Variants in FER observed in about 807,000 individuals in gnomAD.
The protein encoded by FER is tyrosine-protein kinase Fer.
Under a neutral mutation model 111.0 loss-of-function variants are expected in FER, and 63 were observed. The observed-to-expected ratio is 0.57, with a 90% CI of 0.46 to 0.70. FER has a LOEUF of 0.70. Ranked by LOEUF, FER falls within the 30% of genes least tolerant of loss-of-function variation. The pLI is 0.00. For synonymous variants in FER, 327 were observed against 313.9 expected, an observed-to-expected ratio of 1.04 and a Z score of -0.44; for missense variants, 914 against 954.0, an observed-to-expected ratio of 0.96 and a Z score of 0.55.
rs11949574 is a variant in FER at position 108,775,228 on chromosome 5, C to T, written c.-60+6990C>T. The stretch of plus-strand genomic sequence containing the variant: ...GATGTGTGGTGTTATTTCTGAGGTC[C>T]CTGTTCTGTTCCATTTGTCTATATA... On this transcript the variant is annotated intron_variant, in intron 2 of 19. Transcript: ENST00000281092. 8.9e-3 allele frequency among the ~76,000 whole-genome samples: 1,349 copies of T among 151,994 alleles called. 15 individuals are homozygous for T. Among genetic ancestry groups the T allele is most frequent in the African/African-American group, 0.031 (1,268 of 41,454 alleles).
chr5:108,985,007 A>G (rs1762407573), intron 13 of FER, among the ~76,000 whole-genome samples: 1 of 152,124 alleles, frequency 6.6e-6, no homozygotes. Context: ...AGTATCTAAT[A>G]ATATTCTAAT....
intron 16 of FER, among the ~76,000 whole-genome samples, chr5:109,091,083 G>A (rs183459263): frequency 4.9e-4 from 75 of 152,334 alleles, no homozygotes; most frequent in South Asian, 2.5e-3. Context: ...ACCACTGAAG[G>A]TGTGGTTGAA....
intron 17 of FER, among the ~76,000 whole-genome samples, chr5:109,154,208 G>A (rs1013063160): frequency 2.0e-5 from 3 of 151,918 alleles, no homozygotes; most frequent in African/African-American, 7.2e-5. Flanking sequence ...CACAGCAGGT[G>A]TCATGGATAG....
intron 10 of FER, among the ~76,000 whole-genome samples, chr5:108,920,920 C>T (rs1451326196): frequency 6.6e-6 from 1 of 152,106 alleles, no homozygotes; most frequent in Non-Finnish European, 1.5e-5. Context: ...TATTTCCTAC[C>T]AGTCCTCATC....
At chr5:108,789,217 T>C (rs1021247821) in intron 2 of FER, among the ~76,000 whole-genome samples, 1 of 152,242 alleles carries the variant, frequency 6.6e-6, no homozygotes, top group Admixed American at 6.5e-5. Flanking sequence ...TTTTCAAAAA[T>C]TGTAACCTTG....
chr5:109,056,833 A>T (rs1021519768), intron 16 of FER, among the ~76,000 whole-genome samples: 1 of 152,210 alleles, frequency 6.6e-6, no homozygotes, highest in African/African-American at 2.4e-5. Context: ...CCTTTAATAT[A>T]CACAATAATA....
chr5:108,927,181 G>A (rs138970357), intron 10 of FER, among the ~76,000 whole-genome samples: 1,541 of 151,006 alleles, frequency 0.01, 16 homozygotes, highest in Admixed American at 0.024. Context: ...ATTCTGGTAA[G>A]CAAACTTCCT....
At chr5:108,812,280 T>G (rs982485429) in intron 3 of FER, among the ~76,000 whole-genome samples, 2 of 152,248 alleles carry the variant, frequency 1.3e-5, no homozygotes, top group Admixed American at 6.5e-5. Context: ...GGGAAATGTT[T>G]AGGATTTTTA....
chr5:109,175,921 G>T (rs1426077978), intron 17 of FER, among the ~76,000 whole-genome samples: 1 of 152,198 alleles, frequency 6.6e-6, no homozygotes, highest in African/African-American at 2.4e-5. Context: ...GGAGGTTGCA[G>T]TGAGCCGAGA....
intron 8 of FER, among the ~76,000 whole-genome samples, chr5:108,882,280 T>A (rs1765757253): frequency 6.6e-6 from 1 of 152,044 alleles, no homozygotes; most frequent in South Asian, 2.1e-4. Flanking sequence ...GATGTATAAT[T>A]GTTTCCATTA....
chr5:108,860,573 T>A (rs1388827798), intron 5 of FER, among the ~76,000 whole-genome samples: 1 of 152,234 alleles, frequency 6.6e-6, no homozygotes, highest in East Asian at 1.9e-4. Flanking sequence ...TGTTTCTACA[T>A]ATCACACTTG....
chr5:108,771,275 G>A (rs780947138), intron 2 of FER, among the ~76,000 whole-genome samples: 4 of 152,138 alleles, frequency 2.6e-5, no homozygotes, highest in Non-Finnish European at 4.4e-5. Context: ...AAAAGTTAGT[G>A]TGTGTGCTGT....
chr5:108,996,726 A>T lies in FER; in HGVS notation c.1656+37379A>T, dbSNP rs539137226. Reference sequence around the variant, plus strand: ...TCCAGCATTGTTCTTTTTTGCTAGGATTGTCTTGGCTGTGTGGGCTCTTTT... The same window carrying T: ...TCCAGCATTGTTCTTTTTTGCTAGGTTTGTCTTGGCTGTGTGGGCTCTTTT... On this transcript the variant is annotated intron_variant, in intron 13 of 19. Coordinates refer to ENST00000281092, the MANE Select transcript of FER (RefSeq NM_005246.4). 2.0e-5 allele frequency among the ~76,000 whole-genome samples: 3 copies of T among 152,144 alleles called. No individual in the cohort carries two copies. The South Asian group carries it at 6.2e-4, about 32-fold the overall frequency.
At chr5:109,057,884 G>C (rs1302174868) in intron 16 of FER, among the ~76,000 whole-genome samples, 1 of 152,142 alleles carries the variant, frequency 6.6e-6, no homozygotes, top group Non-Finnish European at 1.5e-5. Flanking sequence ...TTTGAGGCCA[G>C]CATTACCCTG....
At chr5:109,037,734 A>C (rs993427669) in intron 14 of FER, among the ~76,000 whole-genome samples, 1 of 152,064 alleles carries the variant, frequency 6.6e-6, no homozygotes, top group Non-Finnish European at 1.5e-5. Context: ...ACTAAAAATC[A>C]TAATGATTTT....
chr5:109,136,968 C>T (rs577433672), intron 17 of FER, among the ~76,000 whole-genome samples: 1 of 152,242 alleles, frequency 6.6e-6, no homozygotes, highest in Non-Finnish European at 1.5e-5. Context: ...GCAAAGAAGC[C>T]TTATCCTAAT....
At chr5:109,076,791 A>T (rs1405940669) in intron 16 of FER, among the ~76,000 whole-genome samples, 1 of 152,192 alleles carries the variant, frequency 6.6e-6, no homozygotes, top group Non-Finnish European at 1.5e-5. Context: ...AATAGCAATA[A>T]CAACATATAG....
intron 2 of FER, among the ~76,000 whole-genome samples, chr5:108,773,484 A>T (rs1753146120): frequency 6.6e-6 from 1 of 152,170 alleles, no homozygotes; most frequent in African/African-American, 2.4e-5. Context: ...GCTGAGAATT[A>T]TGGCTTCCAA....
chr5:109,174,586 CT>C (rs1757484363), intron 17 of FER, among the ~76,000 whole-genome samples: 1 of 152,164 alleles, frequency 6.6e-6, no homozygotes, highest in Non-Finnish European at 1.5e-5. Flanking sequence ...TCCTACTGTC[CT>C]TCATCAGGAC....
Sources: gnomAD v4.1 joint callset for allele counts (sites outside exome capture counted in the v4.1 genomes callset) on GRCh38, gnomAD v4.1.1 for gene constraint, MANE v1.5 for transcripts, NCBI Gene and HGNC (gene_info 2026-07-23, HGNC 2026-07-21) for gene names.